KRT27: variants seen among roughly 807,000 people sequenced by gnomAD.
KRT27 encodes keratin 27, also known as keratin, type I cytoskeletal 27.
Under a neutral mutation model 45.3 loss-of-function variants are expected in KRT27, and 30 were observed. The ratio of observed to expected loss-of-function variants is 0.66; its 90% CI spans 0.50 to 0.90. KRT27 has a LOEUF of 0.90. Ranked by LOEUF, KRT27 falls within the 40% of genes least tolerant of loss-of-function variation. The pLI is 0.00. For missense variants in KRT27, 610 were observed against 564.3 expected (o/e 1.08, Z -0.82); for synonymous variants, 204 against 223.9 (o/e 0.91, Z 0.79).
chr17:40,777,753 G>A, intron 5 of KRT27, 21 bp from the exon 6 acceptor site: 3 of 1,609,974 alleles, frequency 1.9e-6, no homozygotes, highest in Non-Finnish European at 2.5e-6. Context: ...GTAAGACATG[G>A]TTTAATAGAA....
At chr17:40,779,986 C>A in intron 3 of KRT27, 125 bp from the exon 4 acceptor site, 1 of 1,167,512 alleles carries the variant, frequency 8.6e-7, no homozygotes. Context: ...ACTGCAGCCT[C>A]GAAATCCTGG....
At chr17:40,778,911 C>G (rs996337743) in intron 5 of KRT27, among the ~76,000 whole-genome samples, 1 of 151,892 alleles carries the variant, frequency 6.6e-6, no homozygotes, top group African/African-American at 2.4e-5. Flanking sequence ...TCAAAACACA[C>G]AATGTGTAGT....
chr17:40,781,590 C>A (rs950805018), intron 1 of KRT27, among the ~76,000 whole-genome samples: 1 of 152,188 alleles, frequency 6.6e-6, no homozygotes, highest in African/African-American at 2.4e-5. Context: ...CCACCACGCT[C>A]GGCTAACTTT....
rs116643396 is a variant in KRT27 at position 40,777,587 on chromosome 17, T to A, written c.1118A>T (p.Gln373Leu). 2.0e-5 allele frequency: 33 copies of A among 1,614,068 alleles called. No homozygotes were observed. In the East Asian group the frequency reaches 6.7e-4, roughly 33 times the overall value. The part of the protein sequence containing the change: ...ETEGQKLEYE[Q>L]LLDIKVHLEK... ...CAGGTGGACCTTGATGTCAAGGAGCTGCTCATACTCGAGCTTCTGGCCCTC... is the reference window on the plus strand; with the variant it reads ...CAGGTGGACCTTGATGTCAAGGAGCAGCTCATACTCGAGCTTCTGGCCCTC... The change falls in exon 6 of 8, where the codon CAG (glutamine) becomes CTG (leucine). Residue 373 changes from glutamine (Q) to leucine (L), a missense_variant. Physicochemically the swap from Gln to Leu is moderately radical, Grantham distance 113. Transcript: ENST00000301656.
rs142642783 is a variant in KRT27, at chr17:40,779,837, C to T, written c.709G>A (p.Ala237Thr). 7.9e-5 allele frequency: 127 copies of T among 1,612,034 alleles called. No homozygotes were observed. The African/African-American group carries it at 1.5e-3, about 19-fold the overall frequency. ...EEEMKALQCA[A>T]GGNVNVEMNA... The stretch of plus-strand genomic sequence containing the variant: ...ATCTCCACGTTCACGTTGCCTCCAG[C>T]CGCGCACTGAAGAGCTTTCATTTCC... Residue 237 changes from alanine (A) to threonine (T), a missense_variant, in exon 4 of 8, where the codon GCT (alanine) becomes ACT (threonine). Physicochemically the swap from Ala to Thr is moderately conservative, Grantham distance 58. Transcript: ENST00000301656.
Position 40,779,627 on chromosome 17 carries a change from TC to T in KRT27, c.847-1del. The T allele has an allele frequency of 6.2e-7, 1 of 1,614,182 alleles. No homozygotes were observed. On this transcript the variant is annotated splice_acceptor_variant, in intron 4 of 7. Coordinates refer to ENST00000301656, the MANE Select transcript of KRT27 (RefSeq NM_181537.4). LOFTEE classifies it high-confidence loss of function. ...GAGATCTGCTGCTGCAGCGAGGCGC[TC>T]TGGAACGGCAGGGGCCGCGTTAGGG...
chr17:40,777,030 T>C lies in KRT27; in HGVS notation c.1349A>G (p.Asn450Ser). ...AGACACCCTCTGTTCATTCTTGTTGTTGACTTTGGTGGATTTCTCTTCCAC... is the reference window on the plus strand; with the variant it reads ...AGACACCCTCTGTTCATTCTTGTTGCTGACTTTGGTGGATTTCTCTTCCAC... ...HTVEEKSTKV[N>S]NKNEQRVSS is the part of the protein sequence containing the mutation. Residue 450 changes from asparagine to serine, a missense_variant, in exon 8 of 8, where the codon AAC becomes AGC. Physicochemically the swap from Asn to Ser is conservative, Grantham distance 46. Transcript: ENST00000301656. The C allele has an allele frequency of 6.2e-7, 1 of 1,613,636 alleles. No homozygotes were observed.
In KRT27 at chr17:40,780,542, T is replaced by A. The variant is rs1332482116; in HGVS notation, c.528-86A>T. The A allele has an allele frequency of 3.1e-6, 4 of 1,291,324 alleles. No individual in the cohort carries two copies. The African/African-American group carries it at 5.9e-5, about 19-fold the overall frequency. 80.0% of individuals were successfully genotyped at this position (1,291,324 alleles called of 1,614,324 possible). A position where few individuals can be genotyped will look rare whatever the true frequency, so the allele number is the denominator to read the frequency against. On this transcript the variant is annotated intron_variant, in intron 2 of 7. Transcript: ENST00000301656. ...ATCATCATACAACTCAGACTAAGCT[T>A]TGAGGTAAAACTACTAAGATAATAC...
chr17:40,779,911 G>A, intron 3 of KRT27, 50 bp from the exon 4 acceptor site: 2 of 1,560,338 alleles, frequency 1.3e-6, no homozygotes, highest in Non-Finnish European at 1.7e-6. Flanking sequence ...TTTATTTATT[G>A]CACTTTTTGA....
chr17:40,777,759 T>C (rs1481203325), intron 5 of KRT27, 27 bp from the exon 6 acceptor site: 3 of 1,608,208 alleles, frequency 1.9e-6, no homozygotes. Flanking sequence ...CATGGTTTAA[T>C]AGAAAAGGTC....
At position 40,782,224 on chromosome 17, in the gene KRT27, G is replaced by T. The variant is rs765944359; in HGVS notation, c.270C>A (p.Asn90Lys). ...GGTAGGAGGCCAAGCGGTCGTTGAG[G>T]TTCTGCATGGTCACCTTCTCATTGC... is the stretch of plus-strand genomic sequence containing the variant. ...LSGNEKVTMQNLNDRLASYLE... is the reference protein window; with the variant it reads ...LSGNEKVTMQKLNDRLASYLE... The change falls in exon 1 of 8, where the codon AAC (asparagine) becomes AAA (lysine). Residue 90 changes from asparagine to lysine, a missense_variant. By Grantham distance (94) the Asn-to-Lys change is moderately conservative (BLOSUM62 0). Transcript: ENST00000301656. 6.2e-7 allele frequency: 1 copy of T among 1,614,204 alleles called. No homozygotes were observed. The highest frequency in any genetic ancestry group is 2.2e-5 in the East Asian group (1 of 44,872).
At chr17:40,781,114 A>G in intron 2 of KRT27, 74 bp downstream of exon 2, 1 of 887,082 alleles carries the variant, frequency 1.1e-6, no homozygotes, top group Admixed American at 2.6e-5. Context: ...GACAACGTCA[A>G]ATAACTTAGA....
In KRT27 at chr17:40,781,286, T is replaced by A; in HGVS notation, c.445-16A>T. The stretch of plus-strand genomic sequence containing the variant: ...CAGAAATTATCTGACAAATGAAAAG[T>A]TAGTTAAGATTGAGGAAATATTTAA... On this transcript the variant is annotated splice_polypyrimidine_tract_variant and intron_variant, in intron 1 of 7. Transcript: ENST00000301656. 1 of 1,475,662 alleles carries A rather than the reference T, an allele frequency of 6.8e-7. No homozygotes were observed. Among genetic ancestry groups the A allele is most frequent in the Non-Finnish European group, 9.4e-7 (1 of 1,060,822 alleles). 91.4% of individuals were successfully genotyped at this position (1,475,662 alleles called of 1,614,324 possible). A position where few individuals can be genotyped will look rare whatever the true frequency, so the allele number is the denominator to read the frequency against.
chr17:40,781,289 GTTA>G lies in KRT27; in HGVS notation c.445-22_445-20del. On this transcript the variant is annotated intron_variant, in intron 1 of 7. Coordinates refer to ENST00000301656, the MANE Select transcript of KRT27 (RefSeq NM_181537.4). The stretch of plus-strand genomic sequence containing the variant: ...AAATTATCTGACAAATGAAAAGTTA[GTTA>G]AGATTGAGGAAATATTTAAGATGCA... 1 of 1,469,320 alleles carries G rather than the reference GTTA, an allele frequency of 6.8e-7. No individual in the cohort carries two copies. Among genetic ancestry groups the G allele is most frequent in the Non-Finnish European group, 9.5e-7 (1 of 1,055,142 alleles). The allele number at this position is 1,469,320 out of a possible 1,614,324, so 91.0% of individuals were successfully genotyped here. A position where few individuals can be genotyped will look rare whatever the true frequency, so the allele number is the denominator to read the frequency against.
intron 5 of KRT27, chr17:40,777,962 G>GC: frequency 1.8e-6 from 1 of 543,810 alleles, no homozygotes; most frequent in Non-Finnish European, 3.2e-6. Flanking sequence ...GCCCAGGTGT[G>GC]CTAAAAAAGA....
Position 40,776,895 on chromosome 17 carries a change from A to G in KRT27, c.*104T>C. 1 of 1,032,676 alleles carries G rather than the reference A, an allele frequency of 9.7e-7. No individual in the cohort carries two copies. 64.0% of individuals were successfully genotyped at this position (1,032,676 alleles called of 1,614,324 possible). ...TACTATTCTAAAAATAACTTGTCTT[A>G]ATTCATTGGAAGAAAAGCAGAAAAA... is the stretch of plus-strand genomic sequence containing the variant. On this transcript the variant is annotated 3_prime_UTR_variant, in exon 8 of 8. Coordinates refer to ENST00000301656, the MANE Select transcript of KRT27 (RefSeq NM_181537.4).
rs750193947 is a variant in KRT27 at position 40,780,276 on chromosome 17, G to A, written c.684+24C>T. The A allele has an allele frequency of 2.5e-6, 4 of 1,571,018 alleles. No homozygotes were observed. In the East Asian group the frequency reaches 9.0e-5, roughly 35 times the overall value. The stretch of plus-strand genomic sequence containing the variant: ...AAATTTGGTAGGGAGGCGATTGTGA[G>A]AGCCAGCCGGGTGGAGCTTCTACCT... On this transcript the variant is annotated intron_variant, in intron 3 of 7. Coordinates refer to ENST00000301656, the MANE Select transcript of KRT27 (RefSeq NM_181537.4).
Position 40,781,316 on chromosome 17 carries a change from C to A in KRT27, c.445-46G>T, listed in dbSNP as rs552225497. The A allele has an allele frequency of 6.3e-6, 7 of 1,119,400 alleles. 1 individual carries two copies. In the South Asian group the frequency reaches 9.2e-5, roughly 15 times the overall value. 69.3% of individuals were successfully genotyped at this position (1,119,400 alleles called of 1,614,324 possible). A position where few individuals can be genotyped will look rare whatever the true frequency, so the allele number is the denominator to read the frequency against. On this transcript the variant is annotated intron_variant, in intron 1 of 7. Transcript: ENST00000301656. ...TAAGATTGAGGAAATATTTAAGATG[C>A]ATTTCAAAGTTCCTTGAAATAAAAT...
intron 3 of KRT27, 30 bp from the exon 4 acceptor site, chr17:40,779,891 A>T (rs1567680817): frequency 1.3e-6 from 2 of 1,585,882 alleles, no homozygotes; most frequent in Non-Finnish European, 1.7e-6. Context: ...CGGAATTAGG[A>T]TCTGAATATT....
Sources: gnomAD v4.1 joint callset for allele counts (sites outside exome capture counted in the v4.1 genomes callset) on GRCh38, gnomAD v4.1.1 for gene constraint, MANE v1.5 for transcripts, NCBI Gene and HGNC (gene_info 2026-07-23, HGNC 2026-07-21) for gene names.